AK2: variants seen among roughly 807,000 people sequenced by gnomAD.
AK2 encodes the protein adenylate kinase 2, also known as adenylate kinase 2, mitochondrial.
A neutral mutation model predicts 24.6 loss-of-function variants in AK2; 15 were observed. That is an observed-to-expected ratio of 0.61 (90% confidence interval 0.41 to 0.94). AK2 has a LOEUF of 0.94. AK2 is among the 40% of genes least tolerant of loss of function. The pLI is 0.00. For synonymous variants in AK2, 102 were observed against 114.0 expected (o/e 0.90, Z 0.67); for missense variants, 257 against 304.1 (o/e 0.85, Z 1.15).
chr1:33,017,155 A>T (rs1312987381), intron 4 of AK2, among the ~76,000 whole-genome samples: 1 of 151,942 alleles, frequency 6.6e-6, no homozygotes, highest in Non-Finnish European at 1.5e-5. Context: ...AATTTGTATT[A>T]TTTTTTCTTT....
At position 33,008,216 on chromosome 1, in the gene AK2, C is replaced by G. The variant is rs1638593930; in HGVS notation, c.*4965G>C. ...CCAACCCACATGAGTATCTTGGTCA[C>G]TAGTGTCATCAGCACCTTTGAGGGG... On this transcript the variant is annotated 3_prime_UTR_variant, in exon 6 of 6. Coordinates refer to ENST00000672715, the MANE Select transcript of AK2 (RefSeq NM_001625.4). The G allele has an allele frequency of 2.2e-6, 1 of 454,274 alleles. No homozygotes were observed. The allele number at this position is 454,274 out of a possible 1,614,324, so 28.1% of individuals were successfully genotyped here. A position where few individuals can be genotyped will look rare whatever the true frequency, so the allele number is the denominator to read the frequency against.
At chr1:33,020,743 G>A (rs770669170) in intron 4 of AK2, among the ~76,000 whole-genome samples, 3 of 152,006 alleles carry the variant, frequency 2.0e-5, no homozygotes, top group Non-Finnish European at 2.9e-5. Flanking sequence ...TACTCGGGAG[G>A]CTGAGACAGG....
At position 33,011,857 on chromosome 1, in the gene AK2, T is replaced by C; in HGVS notation, c.*1324A>G. On this transcript the variant is annotated 3_prime_UTR_variant, in exon 6 of 6. Coordinates refer to ENST00000672715, the MANE Select transcript of AK2 (RefSeq NM_001625.4). The stretch of plus-strand genomic sequence containing the variant: ...GGTGATCTTTTCTTGGGGAAGTCCA[T>C]GGCTATAGCCATCATAAAATTAGGG... 6 of 1,524,344 alleles carry C rather than the reference T, an allele frequency of 3.9e-6. No homozygotes were observed. Among genetic ancestry groups the C allele is most frequent in the Non-Finnish European group, 5.3e-6 (6 of 1,141,326 alleles). The allele number at this position is 1,524,344 out of a possible 1,614,324, so 94.4% of individuals were successfully genotyped here.
intron 1 of AK2, chr1:33,031,781 C>G (rs1468804892): frequency 7.1e-6 from 3 of 424,648 alleles, no homozygotes; most frequent in African/African-American, 6.1e-5. Context: ...AAGAATTGGG[C>G]ATAAGTTTGA....
At chr1:33,015,226 T>C (rs917140949) in intron 4 of AK2, among the ~76,000 whole-genome samples, 8 of 152,228 alleles carry the variant, frequency 5.3e-5, no homozygotes, top group South Asian at 2.1e-4. Context: ...AGATAAAAGA[T>C]AGCCTAACCC....
chr1:33,012,254 T>C lies in AK2; in HGVS notation c.*927A>G. On this transcript the variant is annotated 3_prime_UTR_variant, in exon 6 of 6. Coordinates refer to ENST00000672715, the MANE Select transcript of AK2 (RefSeq NM_001625.4). ...AGCATCATGATGCAGATCACAAAAA[T>C]ATTCCAATTTGGCCTGGCTCTTTTT... 5.2e-6 allele frequency: 8 copies of C among 1,535,112 alleles called. No individual in the cohort carries two copies. The highest frequency in any genetic ancestry group is 7.0e-6 in the Non-Finnish European group (8 of 1,146,628).
chr1:33,021,731 G>A (rs745604823), intron 2 of AK2, 28 bp from the exon 3 acceptor site: 1 of 1,568,150 alleles, frequency 6.4e-7, no homozygotes, highest in African/African-American at 1.4e-5. Context: ...AATAGCCTTG[G>A]GTTTAAATCC....
At chr1:33,024,766 C>T (rs1639767636) in intron 1 of AK2, among the ~76,000 whole-genome samples, 199 bp from the exon 2 acceptor site, 1 of 152,200 alleles carries the variant, frequency 6.6e-6, no homozygotes, top group Non-Finnish European at 1.5e-5. Context: ...GTAAGAATTA[C>T]ATGAAATAAT....
At position 33,022,326 on chromosome 1, in the gene AK2, G is replaced by A. The variant is rs957401824; in HGVS notation, c.220-623C>T. On this transcript the variant is annotated intron_variant, in intron 2 of 5. Coordinates refer to ENST00000672715, the MANE Select transcript of AK2 (RefSeq NM_001625.4). ...ATTGGGTCAGAACCAAGGAACTGAA[G>A]AGCCAAGCCAACACTCTTCCCTCAC... Among the ~76,000 whole-genome samples, 5 of 150,044 alleles carry A rather than the reference G, an allele frequency of 3.3e-5. No individual in the cohort carries two copies. The South Asian group carries it at 1.1e-3, about 32-fold the overall frequency.
chr1:33,030,678 T>A (rs534201282), intron 1 of AK2, among the ~76,000 whole-genome samples: 1 of 152,258 alleles, frequency 6.6e-6, no homozygotes, highest in Non-Finnish European at 1.5e-5. Context: ...GTACTTAGTA[T>A]GTATAATACA....
rs1302352893 is a variant in AK2, at chr1:33,011,620, G to A, written c.*1561C>T. 4 of 1,289,742 alleles carry A rather than the reference G, an allele frequency of 3.1e-6. No homozygotes were observed. The highest frequency in any genetic ancestry group is 1.5e-5 in the African/African-American group (1 of 65,910). The allele number at this position is 1,289,742 out of a possible 1,614,324, so 79.9% of individuals were successfully genotyped here. On this transcript the variant is annotated 3_prime_UTR_variant, in exon 6 of 6. Coordinates refer to ENST00000672715, the MANE Select transcript of AK2 (RefSeq NM_001625.4). Reference sequence around the variant, plus strand: ...AGCAGCAGATTATGCTGAGGCTGGCGATATTATTTACTGGATCTGCCACTG... The same window carrying A: ...AGCAGCAGATTATGCTGAGGCTGGCAATATTATTTACTGGATCTGCCACTG...
chr1:33,024,546 A>C lies in AK2; in HGVS notation c.115T>G (p.Phe39Val). The C allele has an allele frequency of 6.2e-7, 1 of 1,614,180 alleles. No individual in the cohort carries two copies. Residue 39 changes from phenylalanine (F) to valine (V), a missense_variant, in exon 2 of 6, where the codon TTC becomes GTC. Phe to Val is a conservative substitution (Grantham distance 50, BLOSUM62 -1). Transcript: ENST00000672715. ...GTQAPRLAEN[F>V]CVCHLATGDM... ...CCAGTAGCTAAATGGCAGACACAGAAGTTTTCAGCCAATCTGGGTGCCTAC... is the reference window on the plus strand; with the variant it reads ...CCAGTAGCTAAATGGCAGACACAGACGTTTTCAGCCAATCTGGGTGCCTAC...
chr1:33,008,119 T>C lies in AK2; in HGVS notation c.*5062A>G. ...GGTTCCGGATGGTCAGTAAGACAAC[T>C]TTCTTCAATGCCTACATTTTCCCTC... On this transcript the variant is annotated 3_prime_UTR_variant, in exon 6 of 6. Transcript: ENST00000672715. 2.2e-6 allele frequency: 1 copy of C among 454,166 alleles called. No individual in the cohort carries two copies. The highest frequency in any genetic ancestry group is 1.6e-5 in the South Asian group (1 of 64,478). The allele number at this position is 454,166 out of a possible 1,614,324, so 28.1% of individuals were successfully genotyped here.
chr1:33,012,626 G>A lies in AK2; in HGVS notation c.*555C>T. On this transcript the variant is annotated 3_prime_UTR_variant, in exon 6 of 6. Transcript: ENST00000672715. ...GAAGTAAACAGCTGGGCTGGGTGTA[G>A]TGGCTCACGTCTGTGATCCTGGCAC... The A allele has an allele frequency of 7.8e-7, 1 of 1,289,540 alleles. No individual in the cohort carries two copies. The highest frequency in any genetic ancestry group is 1.0e-6 in the Non-Finnish European group (1 of 990,356). 79.9% of individuals were successfully genotyped at this position (1,289,540 alleles called of 1,614,324 possible).
chr1:33,025,840 G>A (rs1337587815), intron 1 of AK2, among the ~76,000 whole-genome samples: 1 of 152,220 alleles, frequency 6.6e-6, no homozygotes, highest in Non-Finnish European at 1.5e-5. Context: ...GGCACTGGCT[G>A]TTACCATAAC....
chr1:33,012,811 T>A lies in AK2; in HGVS notation c.*370A>T. 9.0e-7 allele frequency: 1 copy of A among 1,114,198 alleles called. No individual in the cohort carries two copies. Among genetic ancestry groups the A allele is most frequent in the Non-Finnish European group, 1.2e-6 (1 of 829,436 alleles). The allele number at this position is 1,114,198 out of a possible 1,614,324, so 69.0% of individuals were successfully genotyped here. A position where few individuals can be genotyped will look rare whatever the true frequency, so the allele number is the denominator to read the frequency against. On this transcript the variant is annotated 3_prime_UTR_variant, in exon 6 of 6. Transcript: ENST00000672715. The stretch of plus-strand genomic sequence containing the variant: ...GCTCAGGAGGCTGAGGTGGGATAAT[T>A]GCTTGAGCCCCAGGAGGCAGAGGTT...
At chr1:33,018,166 A>G (rs1409272090) in intron 4 of AK2, among the ~76,000 whole-genome samples, 1 of 152,196 alleles carries the variant, frequency 6.6e-6, no homozygotes. Flanking sequence ...GATAATTAGG[A>G]TTTGAGAGAG....
Position 33,026,628 on chromosome 1 carries a change from G to A in AK2, c.94-2061C>T, listed in dbSNP as rs1168519426. Reference sequence around the variant, plus strand: ...TTGAGACCATCCTGGCCAACATGGTGAAACCCCGTCTCTACTAAAATATAA... The same window carrying A: ...TTGAGACCATCCTGGCCAACATGGTAAAACCCCGTCTCTACTAAAATATAA... On this transcript the variant is annotated intron_variant, in intron 1 of 5. Transcript: ENST00000672715. Among the ~76,000 whole-genome samples the A allele has an allele frequency of 2.6e-5, 4 of 151,804 alleles. No individual in the cohort carries two copies. The East Asian group carries it at 7.7e-4, about 29-fold the overall frequency.
intron 1 of AK2, among the ~76,000 whole-genome samples, chr1:33,033,317 T>A (rs1363230708): frequency 2.0e-5 from 3 of 152,028 alleles, no homozygotes; most frequent in Non-Finnish European, 4.4e-5. Flanking sequence ...GCCCGGTAGT[T>A]CAAGACCAGC....
Sources: allele counts gnomAD v4.1 joint callset (sites outside exome capture counted in the v4.1 genomes callset), GRCh38; gene constraint gnomAD v4.1.1; transcripts MANE v1.5; gene names NCBI Gene and HGNC (gene_info 2026-07-23, HGNC 2026-07-21).